Variants in CDH12 observed in about 807,000 individuals in gnomAD.
The protein encoded by CDH12 is cadherin 12.
Under a neutral mutation model 74.1 loss-of-function variants are expected in CDH12, and 41 were observed. That is an observed-to-expected ratio of 0.55 (90% CI 0.43 to 0.72). The LOEUF is 0.72. Ranked by LOEUF, CDH12 falls within the 30% of genes least tolerant of loss-of-function variation. The pLI is 0.00. For synonymous variants in CDH12, 399 were observed against 355.0 expected, an observed-to-expected ratio of 1.12 and a Z score of -1.39; for missense variants, 945 against 977.2, an observed-to-expected ratio of 0.97 and a Z score of 0.44.
intron 4 of CDH12, among the ~76,000 whole-genome samples, chr5:22,164,115 T>A (rs777040801): frequency 7.2e-5 from 11 of 152,050 alleles, no homozygotes; most frequent in Non-Finnish European, 1.6e-4. Flanking sequence ...TTACCAGGGG[T>A]CCTTGCTCCC....
At chr5:21,914,985 A>T (rs2150066771) in intron 6 of CDH12, among the ~76,000 whole-genome samples, 1 of 152,314 alleles carries the variant, frequency 6.6e-6, no homozygotes, top group East Asian at 1.9e-4. Flanking sequence ...AGATGAGGCA[A>T]GACAGATTGT....
intron 6 of CDH12, among the ~76,000 whole-genome samples, chr5:21,869,416 C>T (rs1167061256): frequency 6.6e-6 from 1 of 152,040 alleles, no homozygotes; most frequent in African/African-American, 2.4e-5. Flanking sequence ...TTAATAAATG[C>T]CAGCTATGAG....
intron 2 of CDH12, among the ~76,000 whole-genome samples, chr5:22,444,852 T>C (rs1176596778): frequency 1.3e-5 from 2 of 152,064 alleles, no homozygotes; most frequent in Admixed American, 1.3e-4. Context: ...TACTGATTTA[T>C]ACAAATTATT....
At chr5:22,597,982 G>A (rs1387170264) in intron 1 of CDH12, among the ~76,000 whole-genome samples, 3 of 152,100 alleles carry the variant, frequency 2.0e-5, no homozygotes, top group African/African-American at 7.2e-5. Flanking sequence ...GGTCAGGAAT[G>A]GAAAATATTC....
intron 1 of CDH12, among the ~76,000 whole-genome samples, chr5:22,705,146 C>CACAT (rs1742932018): frequency 6.8e-6 from 1 of 147,928 alleles, no homozygotes; most frequent in Admixed American, 6.8e-5. Flanking sequence ...CACACACACA[C>CACAT]ACACACACAC....
intron 5 of CDH12, among the ~76,000 whole-genome samples, chr5:21,979,419 T>C (rs1019874698): frequency 1.3e-5 from 2 of 152,122 alleles, no homozygotes; most frequent in African/African-American, 4.8e-5. Context: ...TGCGTGAAAA[T>C]GAGATGCCAA....
intron 1 of CDH12, among the ~76,000 whole-genome samples, chr5:22,523,245 TA>T (rs1561466087): frequency 6.6e-6 from 1 of 152,216 alleles, no homozygotes; most frequent in Non-Finnish European, 1.5e-5. Context: ...TACTTTTTTA[TA>T]CTCCCTTCCA....
intron 1 of CDH12, among the ~76,000 whole-genome samples, chr5:22,572,611 A>G (rs1411148333): frequency 6.6e-6 from 1 of 152,116 alleles, no homozygotes; most frequent in African/African-American, 2.4e-5. Flanking sequence ...TATTGGATTT[A>G]TAGAAGTCTC....
chr5:22,821,776 G>A (rs1375175724), intron 1 of CDH12, among the ~76,000 whole-genome samples: 5 of 151,328 alleles, frequency 3.3e-5, no homozygotes, highest in African/African-American at 1.2e-4. Context: ...TGGGTAGGAA[G>A]AATCAATATC....
At chr5:22,206,668 G>T (rs1751233825) in intron 4 of CDH12, among the ~76,000 whole-genome samples, 1 of 93,238 alleles carries the variant, frequency 1.1e-5, no homozygotes. Context: ...GAAAAATAAT[G>T]GATTCCACTG....
chr5:21,996,763 T>C (rs1050257088), intron 5 of CDH12, among the ~76,000 whole-genome samples: 2 of 152,174 alleles, frequency 1.3e-5, no homozygotes, highest in Non-Finnish European at 2.9e-5. Flanking sequence ...TTACATTAAA[T>C]GGATTTCATA....
At chr5:22,239,834 A>G (rs1752686231) in intron 3 of CDH12, among the ~76,000 whole-genome samples, 1 of 152,128 alleles carries the variant, frequency 6.6e-6, no homozygotes, top group Admixed American at 6.5e-5. Flanking sequence ...AAAGAATAAC[A>G]CTTTTTTCCT....
intron 3 of CDH12, among the ~76,000 whole-genome samples, chr5:22,313,340 G>A (rs777170076): frequency 6.6e-6 from 1 of 152,106 alleles, no homozygotes; most frequent in Non-Finnish European, 1.5e-5. Flanking sequence ...GAAAAAAAAG[G>A]CATAAAATAA....
chr5:22,337,447 T>G (rs767833613), intron 3 of CDH12, among the ~76,000 whole-genome samples: 2 of 152,152 alleles, frequency 1.3e-5, no homozygotes, highest in Non-Finnish European at 2.9e-5. Context: ...AATTCCCACA[T>G]GTTGTGGGAA....
At chr5:22,042,211 A>C (rs893128606) in intron 5 of CDH12, among the ~76,000 whole-genome samples, 8 of 152,284 alleles carry the variant, frequency 5.3e-5, no homozygotes, top group African/African-American at 1.7e-4. Context: ...AAAATTAGAA[A>C]TATCTCAAAT....
In CDH12 at chr5:22,567,234, A is replaced by G. The variant is rs1290986568; in HGVS notation, c.-522-61870T>C. On this transcript the variant is annotated intron_variant, in intron 1 of 14. Transcript: ENST00000382254. The stretch of plus-strand genomic sequence containing the variant: ...CAAGGTTTGGAGTTAGCCACATTGT[A>G]TTAGATCCACTTTCAACCATTGTCC... Among the ~76,000 whole-genome samples, 5 of 152,138 alleles carry G rather than the reference A, an allele frequency of 3.3e-5. No individual in the cohort carries two copies. In the East Asian group the frequency reaches 7.8e-4, roughly 24 times the overall value.
rs187195645 is a variant in CDH12, at chr5:22,476,160, C to A, written c.-428+29110G>T. On this transcript the variant is annotated intron_variant, in intron 2 of 14. Transcript: ENST00000382254. ...TGTCACTATCAGCTATCTACTTACC[C>A]TGTTTGGAAATTCTGCTTATTTTTC... 6.4e-3 allele frequency among the ~76,000 whole-genome samples: 976 copies of A among 152,086 alleles called. 8 individuals carry two copies. The highest frequency in any genetic ancestry group is 0.013 in the South Asian group (63 of 4,822).
intron 1 of CDH12, among the ~76,000 whole-genome samples, chr5:22,578,389 G>C (rs113788250): frequency 8.0e-5 from 12 of 150,008 alleles, no homozygotes; most frequent in Non-Finnish European, 1.6e-4. Flanking sequence ...GTGTGTGTGG[G>C]GGGGGGGTGT....
chr5:22,591,045 T>C (rs1168724220), intron 1 of CDH12, among the ~76,000 whole-genome samples: 1 of 152,182 alleles, frequency 6.6e-6, no homozygotes, highest in African/African-American at 2.4e-5. Flanking sequence ...CATTTAAACT[T>C]GATTTATTGC....
Sources: allele counts gnomAD v4.1 joint callset (sites outside exome capture counted in the v4.1 genomes callset), GRCh38; gene constraint gnomAD v4.1.1; transcripts MANE v1.5; gene names NCBI Gene and HGNC (gene_info 2026-07-23, HGNC 2026-07-21).